Variants in PREX1 observed in about 807,000 individuals in gnomAD.
The protein encoded by PREX1 is phosphatidylinositol 3,4,5-trisphosphate-dependent Rac exchanger 1 protein.
Under a neutral mutation model 198.3 loss-of-function variants are expected in PREX1, and 41 were observed. The ratio of observed to expected loss-of-function variants is 0.21; its 90% CI spans 0.16 to 0.27. The LOEUF (loss-of-function observed/expected upper bound fraction) is 0.27, where lower values mean the gene tolerates loss of function less well. Among genes scored for constraint, PREX1 ranks in the 10% least tolerant of loss-of-function variants. The pLI, the probability that PREX1 is intolerant of heterozygous loss-of-function variation, is 1.00. For synonymous variants in PREX1, 843 were observed against 887.2 expected (o/e 0.95, Z 0.89); for missense variants, 1,620 against 2,200.7 (o/e 0.74, Z 5.28).
At position 48,636,494 on chromosome 20, in the gene PREX1, T is replaced by A; in HGVS notation, c.4136A>T (p.His1379Leu). 6.2e-7 allele frequency: 1 copy of A among 1,608,674 alleles called. No homozygotes were observed. The highest frequency in any genetic ancestry group is 8.5e-7 in the Non-Finnish European group (1 of 1,179,324). The change falls in exon 32 of 40, where the codon CAC becomes CTC. Residue 1379 changes from histidine to leucine, a missense_variant. By Grantham distance (99) the His-to-Leu change is moderately conservative. Coordinates refer to ENST00000371941, the MANE Select transcript of PREX1 (RefSeq NM_020820.4). ...GGCTGGCGAGAGCAGGGACTGGCAG[T>A]GCAGCAGGACGCCCGTGGCCGCCAC... ...EQVAATGVLL[H>L]CQSLLSPATV...
At chr20:48,673,952 A>G (rs2089692734) in intron 14 of PREX1, among the ~76,000 whole-genome samples, 1 of 152,218 alleles carries the variant, frequency 6.6e-6, no homozygotes, top group African/African-American at 2.4e-5. Context: ...TCATTCTACA[A>G]CTGAGGCCCG....
At chr20:48,660,190 A>T in intron 15 of PREX1, 129 bp from the exon 16 acceptor site, 1 of 1,108,224 alleles carries the variant, frequency 9.0e-7, no homozygotes, top group Non-Finnish European at 1.3e-6. Context: ...CTATTCTATT[A>T]AAATGGAATC....
chr20:48,829,111 A>G (rs1227575141), upstream of PREX1, among the ~76,000 whole-genome samples: 6 of 152,182 alleles, frequency 3.9e-5, no homozygotes, highest in Non-Finnish European at 7.4e-5. Context: ...AGCACCTAGA[A>G]AGTTCTCTGT....
At chr20:48,767,417 T>C (rs901170539) in intron 1 of PREX1, among the ~76,000 whole-genome samples, 1 of 152,154 alleles carries the variant, frequency 6.6e-6, no homozygotes, top group Non-Finnish European at 1.5e-5. Context: ...AGGGGATGGC[T>C]GAGAGCTGGA....
Position 48,640,804 on chromosome 20 carries a change from T to A in PREX1, c.3776-910A>T, listed in dbSNP as rs76809525. The stretch of plus-strand genomic sequence containing the variant: ...AAGGGTGAAAGAGTGGGCACACAGA[T>A]GGAAGGAGGGAAGGATGGATGGATG... On this transcript the variant is annotated intron_variant, in intron 29 of 39. Transcript: ENST00000371941. Among the ~76,000 whole-genome samples, 1,020 of 149,136 alleles carry A rather than the reference T, an allele frequency of 6.8e-3. 24 individuals are homozygous for A. In the East Asian group the frequency reaches 0.086, roughly 13 times the overall value.
At chr20:48,677,838 T>C (rs1176756796) in intron 13 of PREX1, among the ~76,000 whole-genome samples, 1 of 150,256 alleles carries the variant, frequency 6.7e-6, no homozygotes, top group Non-Finnish European at 1.5e-5. Context: ...ATATAGAAAT[T>C]ACCCAGGCAT....
chr20:48,730,638 T>G (rs1029065677), intron 4 of PREX1, among the ~76,000 whole-genome samples: 2 of 152,074 alleles, frequency 1.3e-5, no homozygotes, highest in African/African-American at 2.4e-5. Context: ...ATGTAAGCAT[T>G]TGTCATCCTG....
chr20:48,861,842 A>T, the PREX1 span, among the ~76,000 whole-genome samples: 1 of 152,234 alleles, frequency 6.6e-6, no homozygotes, highest in Non-Finnish European at 1.5e-5. Context: ...CCAGCAGGAA[A>T]GGAAGTCTCC....
the PREX1 span, among the ~76,000 whole-genome samples, chr20:48,840,573 G>A: frequency 6.6e-6 from 1 of 152,214 alleles, no homozygotes; most frequent in Non-Finnish European, 1.5e-5. Flanking sequence ...ACATTCAGGT[G>A]TGTGGGGCAG....
At position 48,825,583 on chromosome 20, in the gene PREX1, A is replaced by AT. The variant is rs1422532183; in HGVS notation, c.219+2058dup. Among the ~76,000 whole-genome samples the AT allele has an allele frequency of 3.9e-5, 6 of 152,140 alleles. No homozygotes were observed. In the East Asian group the frequency reaches 1.2e-3, roughly 29 times the overall value. On this transcript the variant is annotated intron_variant, in intron 1 of 39. Coordinates refer to ENST00000371941, the MANE Select transcript of PREX1 (RefSeq NM_020820.4). Reference sequence around the variant, plus strand: ...CTTCCTCCTACTCTACACGTGGACGATTTAAAACCACAGTTAACTCAAACA... The same window carrying AT: ...CTTCCTCCTACTCTACACGTGGACGATTTTAAAACCACAGTTAACTCAAACA...
chr20:48,829,184 T>C (rs1316979041), upstream of PREX1, among the ~76,000 whole-genome samples: 1 of 152,164 alleles, frequency 6.6e-6, no homozygotes, highest in African/African-American at 2.4e-5. Flanking sequence ...TCTCTGTAAA[T>C]GTTTGTTCTT....
At chr20:48,661,686 C>A (rs1043432662) in intron 15 of PREX1, among the ~76,000 whole-genome samples, 1 of 151,310 alleles carries the variant, frequency 6.6e-6, no homozygotes, top group African/African-American at 2.4e-5. Context: ...CAGTGCCAGG[C>A]ACACTGGGGA....
rs761612945 is a variant in PREX1, at chr20:48,637,718, C to T, written c.3939G>A (p.Lys1313=). The change falls in exon 31 of 40, where the codon AAG becomes AAA. Residue 1313 remains lysine (K), a synonymous_variant. Transcript: ENST00000371941. ...CACCTTTAAAGGCCTCACCTGTGCA[C>T]TTCAGCAAGGCCAGGAGCAGCTGGT... The part of the protein sequence containing the change: ...GKNQLLLALL[K]CTDTELQLRR... 3 of 1,611,742 alleles carry T rather than the reference C, an allele frequency of 1.9e-6. No homozygotes were observed. In the African/African-American group the frequency reaches 4.0e-5, roughly 22 times the overall value.
At chr20:48,736,510 G>A (rs954104443) in intron 3 of PREX1, among the ~76,000 whole-genome samples, 2 of 152,170 alleles carry the variant, frequency 1.3e-5, no homozygotes, top group East Asian at 3.9e-4. Flanking sequence ...GAGAAGAGGG[G>A]ACCCCAGCAC....
intron 1 of PREX1, among the ~76,000 whole-genome samples, chr20:48,811,111 A>G (rs2090431922): frequency 6.6e-6 from 1 of 152,196 alleles, no homozygotes; most frequent in Non-Finnish European, 1.5e-5. Flanking sequence ...CTGATTACTA[A>G]GAAGCCAGAA....
chr20:48,648,089 T>C lies in PREX1; in HGVS notation c.3305+1211A>G, dbSNP rs117449789. Among the ~76,000 whole-genome samples the C allele has an allele frequency of 3.1e-3, 468 of 152,138 alleles. 12 individuals are homozygous for C. In the East Asian group the frequency reaches 0.066, roughly 21 times the overall value. ...GGCTAATTTTAGGATTTTTTTTTTA[T>C]AGAGATAGGGTTTCACTACGTTGCC... On this transcript the variant is annotated intron_variant, in intron 25 of 39. Coordinates refer to ENST00000371941, the MANE Select transcript of PREX1 (RefSeq NM_020820.4).
Position 48,666,018 on chromosome 20 carries a change from C to CA in PREX1, c.1738+264dup, listed in dbSNP as rs2089637901. On this transcript the variant is annotated intron_variant, in intron 15 of 39. Coordinates refer to ENST00000371941, the MANE Select transcript of PREX1 (RefSeq NM_020820.4). This position sits in a 1 kb window ranked among gnomAD's most constrained non-coding sequence, Gnocchi z 4.3. The stretch of plus-strand genomic sequence containing the variant: ...CTACCCTGGAAGGCCACATCCCCCC[C>CA]AGGAAGAAGGGCACAGGAAACCCAT... Among the ~76,000 whole-genome samples, 1 of 152,242 alleles carries CA rather than the reference C, an allele frequency of 6.6e-6. No individual in the cohort carries two copies. Among genetic ancestry groups the CA allele is most frequent in the African/African-American group, 2.4e-5 (1 of 41,464 alleles).
the PREX1 span, among the ~76,000 whole-genome samples, chr20:48,855,110 C>A: frequency 1.1e-4 from 17 of 152,024 alleles, no homozygotes; most frequent in Non-Finnish European, 2.4e-4. Context: ...TACTAGTGAG[C>A]AAGGTATAAA....
intron 5 of PREX1, 121 bp from the exon 6 acceptor site, chr20:48,708,542 T>C (rs2059499983): frequency 9.1e-7 from 1 of 1,096,572 alleles, no homozygotes. Context: ...CATTACATTC[T>C]AGTAAAGGAG....
Sources: gnomAD v4.1 joint callset for allele counts (sites outside exome capture counted in the v4.1 genomes callset) on GRCh38, gnomAD v4.1.1 for gene constraint, Gnocchi (gnomAD v3.1) non-coding constraint, MANE v1.5 for transcripts, NCBI Gene and HGNC (gene_info 2026-07-23, HGNC 2026-07-21) for gene names.